PCDHGB1: variants seen among roughly 807,000 people sequenced by gnomAD.
PCDHGB1 encodes protocadherin gamma subfamily B, 1.
In PCDHGB1, 34 loss-of-function variants were observed where a neutral mutation model predicts 56.6. The observed-to-expected ratio is 0.60, with a 90% CI of 0.46 to 0.80. The LOEUF (loss-of-function observed/expected upper bound fraction) is 0.80, where lower values mean the gene tolerates loss of function less well. Among genes scored for constraint, PCDHGB1 ranks in the 30% least tolerant of loss-of-function variants. The probability of loss-of-function intolerance (pLI) is 0.00; values close to 1 mark genes in which losing one functional copy is unlikely to be tolerated. For synonymous variants in PCDHGB1, 561 were observed against 505.9 expected, an observed-to-expected ratio of 1.11 and a Z score of -1.46; for missense variants, 1,278 against 1,204.6, an observed-to-expected ratio of 1.06 and a Z score of -0.90.
rs1005709757 is a variant in PCDHGB1 at position 141,495,051 on chromosome 5, A to G, written c.2468+186A>G. Among the ~76,000 whole-genome samples, 3 of 152,042 alleles carry G rather than the reference A, an allele frequency of 2.0e-5. No homozygotes were observed. In the East Asian group the frequency reaches 5.8e-4, roughly 29 times the overall value. On this transcript the variant is annotated intron_variant, in intron 2 of 3. Transcript: ENST00000523390. ...CCGGAAGGAAGAGGCGACTGCCCTG[A>G]CTGTTCAGGAAGCTCAATTCACATG... is the stretch of plus-strand genomic sequence containing the variant.
At chr5:141,355,755 G>A (rs761483033) in intron 1 of PCDHGB1, 64 of 1,613,806 alleles carry the variant, frequency 4.0e-5, no homozygotes, top group Non-Finnish European at 5.3e-5. Context: ...TGCAAAGTGG[G>A]GCCGATGGGA....
At position 141,490,543 on chromosome 5, in the gene PCDHGB1, C is replaced by T; in HGVS notation, c.2410-4264C>T. 2 of 1,614,188 alleles carry T rather than the reference C, an allele frequency of 1.2e-6. No homozygotes were observed. Among genetic ancestry groups the T allele is most frequent in the Non-Finnish European group, 8.5e-7 (1 of 1,180,024 alleles). On this transcript the variant is annotated intron_variant, in intron 1 of 3. Transcript: ENST00000523390. The surrounding 1 kb of genome is among the most constrained non-coding windows in gnomAD (Gnocchi z 5.4). ...CAGCGATGCTGGTTCACCTTCCCTA[C>T]ACAAACATCTCACCATCAGGCTCAA...
intron 1 of PCDHGB1, chr5:141,423,599 C>T (rs1185412610): frequency 6.2e-7 from 1 of 1,612,844 alleles, no homozygotes; most frequent in Non-Finnish European, 8.5e-7. Context: ...AAAAGCGAGC[C>T]ACTCTTGATA....
intron 1 of PCDHGB1, chr5:141,394,248 C>T (rs937129072): frequency 9.3e-6 from 15 of 1,613,816 alleles, no homozygotes; most frequent in Admixed American, 6.7e-5. Flanking sequence ...TGCACACGAC[C>T]CCGACAGCCA....
In PCDHGB1 at chr5:141,490,963, G is replaced by GC; in HGVS notation, c.2410-3838dup. 6.2e-7 allele frequency: 1 copy of GC among 1,613,760 alleles called. No individual in the cohort carries two copies. On this transcript the variant is annotated intron_variant, in intron 1 of 3. Transcript: ENST00000523390. This position sits in a 1 kb window ranked among gnomAD's most constrained non-coding sequence, Gnocchi z 5.4. ...CCCACGGCCAGACTGGGAACACTCA[G>GC]CCCCCCAGCGTCTCCCTCGCTCTGC...
intron 1 of PCDHGB1, among the ~76,000 whole-genome samples, chr5:141,474,669 C>T (rs983136753): frequency 6.6e-6 from 1 of 152,198 alleles, no homozygotes; most frequent in Non-Finnish European, 1.5e-5. Flanking sequence ...CCTACCTAAC[C>T]TATGTGCCTA....
chr5:141,463,142 C>T (rs1229364880), intron 1 of PCDHGB1, among the ~76,000 whole-genome samples: 1 of 152,160 alleles, frequency 6.6e-6, no homozygotes, highest in Non-Finnish European at 1.5e-5. Context: ...CTTCGCCCAG[C>T]TGCAGAAAAG....
At chr5:141,418,740 TG>T in intron 1 of PCDHGB1, 1 of 1,613,972 alleles carries the variant, frequency 6.2e-7, no homozygotes, top group Non-Finnish European at 8.5e-7. Context: ...GTGTTCTCTC[TG>T]GATTACACTA....
Position 141,464,048 on chromosome 5 carries a change from T to G in PCDHGB1, c.2410-30759T>G, listed in dbSNP as rs377735829. Reference sequence around the variant, plus strand: ...GGGAGGCCAAGGCGGGTGGATCACCTGAGGTCAGGAGTTCAAGGCCAGCCT... The same window carrying G: ...GGGAGGCCAAGGCGGGTGGATCACCGGAGGTCAGGAGTTCAAGGCCAGCCT... On this transcript the variant is annotated intron_variant, in intron 1 of 3. Transcript: ENST00000523390. 1.2e-4 allele frequency among the ~76,000 whole-genome samples: 18 copies of G among 152,260 alleles called. No individual in the cohort carries two copies. In the East Asian group the frequency reaches 3.5e-3, roughly 29 times the overall value.
chr5:141,477,052 C>T lies in PCDHGB1; in HGVS notation c.2410-17755C>T. On this transcript the variant is annotated intron_variant, in intron 1 of 3. Coordinates refer to ENST00000523390, the MANE Select transcript of PCDHGB1 (RefSeq NM_018922.3). The surrounding 1 kb of genome is among the most constrained non-coding windows in gnomAD (Gnocchi z 4.9). ...TGACAATCAAGGGTCGGCTGGACTT[C>T]GAGGACACCAAACTCCATGAGATTT... 1.2e-6 allele frequency: 2 copies of T among 1,614,240 alleles called. No individual in the cohort carries two copies. The highest frequency in any genetic ancestry group is 1.7e-6 in the Non-Finnish European group (2 of 1,180,032).
At chr5:141,470,872 TTTTTTGTTTTTG>T (rs900302332) in intron 1 of PCDHGB1, among the ~76,000 whole-genome samples, 1 of 151,814 alleles carries the variant, frequency 6.6e-6, no homozygotes, top group Non-Finnish European at 1.5e-5. Context: ...GTTTGTTTGT[TTTTTTGTTTTTG>T]TTTTTGTTTT....
intron 1 of PCDHGB1, chr5:141,399,579 C>T: frequency 6.2e-7 from 1 of 1,614,026 alleles, no homozygotes; most frequent in South Asian, 1.1e-5. Context: ...GCCAAGTCTC[C>T]TACTCTATCA....
chr5:141,417,893 G>T (rs766340497), intron 1 of PCDHGB1: 2 of 1,572,670 alleles, frequency 1.3e-6, no homozygotes, highest in Admixed American at 1.9e-5. Flanking sequence ...GCGCCGGGCC[G>T]GCCCGCGGCA....
chr5:141,391,912 T>C (rs1370313040), intron 1 of PCDHGB1: 1 of 152,228 alleles, frequency 6.6e-6, no homozygotes, highest in Non-Finnish European at 1.5e-5. Context: ...CTTTTTATCA[T>C]ATATTCATCT....
intron 1 of PCDHGB1, chr5:141,424,599 GATTT>G (rs1016470290): frequency 3.9e-5 from 6 of 152,170 alleles, no homozygotes; most frequent in Non-Finnish European, 8.8e-5. Flanking sequence ...GATGTCTACA[GATTT>G]ATTCAAATAG....
At chr5:141,419,392 C>A (rs1338481275) in intron 1 of PCDHGB1, 1 of 1,613,612 alleles carries the variant, frequency 6.2e-7, no homozygotes, top group Non-Finnish European at 8.5e-7. Flanking sequence ...GCGCGCAGAG[C>A]GGGGTGGTGT....
intron 1 of PCDHGB1, chr5:141,388,068 C>T (rs562398369): frequency 8.0e-6 from 11 of 1,373,194 alleles, no homozygotes; most frequent in Non-Finnish European, 1.1e-5. Flanking sequence ...CCAGGAGTTA[C>T]CGACTCGAAA....
At chr5:141,461,966 G>A (rs2099027516) in intron 1 of PCDHGB1, among the ~76,000 whole-genome samples, 1 of 152,162 alleles carries the variant, frequency 6.6e-6, no homozygotes, top group African/African-American at 2.4e-5. Context: ...TGGGATTCCA[G>A]GCATATGCCA....
intron 1 of PCDHGB1, chr5:141,389,352 AT>A (rs1561624660): frequency 6.2e-7 from 1 of 1,613,628 alleles, no homozygotes; most frequent in African/African-American, 1.3e-5. Context: ...TTACTGCATC[AT>A]GGCCAGTGAC....
Sources: allele counts gnomAD v4.1 joint callset (sites outside exome capture counted in the v4.1 genomes callset), GRCh38; gene constraint gnomAD v4.1.1; non-coding constraint Gnocchi (gnomAD v3.1); transcripts MANE v1.5; gene names NCBI Gene and HGNC (gene_info 2026-07-23, HGNC 2026-07-21).